Variants in CACNA1E observed in about 807,000 individuals in gnomAD.
CACNA1E encodes the protein calcium voltage-gated channel subunit alpha1 E, also known as voltage-dependent R-type calcium channel subunit alpha-1E.
CACNA1E carries 40 observed loss-of-function variants against 259.2 expected under a neutral mutation model. That is an observed-to-expected ratio of 0.15 (90% CI 0.12 to 0.20). The LOEUF is 0.20. CACNA1E is among the 10% of genes least tolerant of loss of function. The pLI, the probability that CACNA1E is intolerant of heterozygous loss-of-function variation, is 1.00. For synonymous variants in CACNA1E, 1,104 were observed against 1,138.5 expected, an observed-to-expected ratio of 0.97 and a Z score of 0.61; for missense variants, 1,874 against 3,040.1, an observed-to-expected ratio of 0.62 and a Z score of 9.02.
intron 17 of CACNA1E, among the ~76,000 whole-genome samples, chr1:181,724,991 A>G (rs983660464): frequency 3.9e-5 from 6 of 152,188 alleles, no homozygotes; most frequent in African/African-American, 1.4e-4. Context: ...CCAGTAGGCA[A>G]AGGTCATTTT....
intron 6 of CACNA1E, among the ~76,000 whole-genome samples, chr1:181,634,534 T>C (rs1220148715): frequency 6.6e-6 from 1 of 152,246 alleles, no homozygotes; most frequent in Non-Finnish European, 1.5e-5. Context: ...TTTTAATGTC[T>C]AATTGGCTGT....
intron 3 of CACNA1E, among the ~76,000 whole-genome samples, chr1:181,576,647 T>G (rs1346054066): frequency 6.6e-6 from 1 of 152,246 alleles, no homozygotes; most frequent in Non-Finnish European, 1.5e-5. Context: ...CCCAGTTTTC[T>G]GAATGCCTCA....
intron 3 of CACNA1E, among the ~76,000 whole-genome samples, chr1:181,530,491 T>C (rs1437008046): frequency 5.9e-5 from 9 of 152,188 alleles, no homozygotes; most frequent in Non-Finnish European, 1.3e-4. Context: ...AAATGGTGTG[T>C]TGTAGTGGAA....
chr1:181,729,297 C>T (rs1176162080), intron 18 of CACNA1E, among the ~76,000 whole-genome samples: 1 of 152,206 alleles, frequency 6.6e-6, no homozygotes, highest in Non-Finnish European at 1.5e-5. Flanking sequence ...GTGTGCTCTG[C>T]ACAGGTGTGT....
rs542787356 is a variant in CACNA1E, at chr1:181,397,142, A to T, written c.-14-15991A>T. On this transcript the variant is annotated intron_variant, in intron 1 of 11. Coordinates refer to the CACNA1E transcript ENST00000524607. Reference sequence around the variant, plus strand: ...AGACCTTCACAGTAAAAAAGGGCAGAGGTCTACAGGAGCTCTCAGAATGTC... The same window carrying T: ...AGACCTTCACAGTAAAAAAGGGCAGTGGTCTACAGGAGCTCTCAGAATGTC... 3.9e-5 allele frequency among the ~76,000 whole-genome samples: 6 copies of T among 152,350 alleles called. No homozygotes were observed. The East Asian group carries it at 5.8e-4, about 15-fold the overall frequency.
intron 2 of CACNA1E, among the ~76,000 whole-genome samples, chr1:181,440,412 T>C (rs982321402): frequency 1.0e-5 from 1 of 100,312 alleles, no homozygotes; most frequent in African/African-American, 4.3e-5. Flanking sequence ...AGCACAATGC[T>C]TCTGGGCAGG....
At chr1:181,661,359 TGGGG>T (rs1647656876) in intron 7 of CACNA1E, among the ~76,000 whole-genome samples, 1 of 151,946 alleles carries the variant, frequency 6.6e-6, no homozygotes, top group Non-Finnish European at 1.5e-5. Flanking sequence ...AGTACAGCGG[TGGGG>T]ACGGAAAGGA....
chr1:181,701,647 G>A (rs1294742830), intron 7 of CACNA1E, among the ~76,000 whole-genome samples: 1 of 152,130 alleles, frequency 6.6e-6, no homozygotes, highest in African/African-American at 2.4e-5. Context: ...CAACACTCTT[G>A]AAAGCCTTTA....
intron 1 of CACNA1E, among the ~76,000 whole-genome samples, chr1:181,370,935 T>G (rs1654659608): frequency 1.3e-5 from 2 of 152,176 alleles, no homozygotes; most frequent in Non-Finnish European, 2.9e-5. Flanking sequence ...CGACAACATG[T>G]TATTTTTTGA....
intron 6 of CACNA1E, among the ~76,000 whole-genome samples, chr1:181,650,531 G>A (rs770489159): frequency 8.5e-5 from 13 of 152,186 alleles, no homozygotes; most frequent in Admixed American, 3.9e-4. Flanking sequence ...CCTTAGTTGA[G>A]TGGTACAGCT....
At chr1:181,495,118 C>A (rs1664637540) in intron 1 of CACNA1E, among the ~76,000 whole-genome samples, 1 of 152,152 alleles carries the variant, frequency 6.6e-6, no homozygotes, top group African/African-American at 2.4e-5. Flanking sequence ...GAGACTCAGA[C>A]AATATTTTAT....
rs556905234 is a variant in CACNA1E, at chr1:181,466,114, G to A, written c.435-17630G>A. 2.3e-3 allele frequency among the ~76,000 whole-genome samples: 346 copies of A among 152,314 alleles called. 2 individuals are homozygous for A. Among genetic ancestry groups the A allele is most frequent in the African/African-American group, 7.6e-3 (315 of 41,562 alleles). ...TTCCTTGTTATCTATTTTTGCTGTA[G>A]AGTTGATTTTCATGCAGTTTATTTA... On this transcript the variant is annotated intron_variant, in intron 2 of 11. Transcript: ENST00000524607.
At chr1:181,787,591 C>G (rs1660955751) in intron 43 of CACNA1E, among the ~76,000 whole-genome samples, 1 of 152,186 alleles carries the variant, frequency 6.6e-6, no homozygotes, top group Non-Finnish European at 1.5e-5. Flanking sequence ...GTCCCCAGAG[C>G]TGACTTAGGC....
chr1:181,762,706 AT>A, intron 33 of CACNA1E, 49 bp downstream of exon 33: 1 of 1,157,010 alleles, frequency 8.6e-7, no homozygotes, highest in Non-Finnish European at 1.3e-6. Context: ...CTGGAGTAGC[AT>A]TTTTAAAACT....
At chr1:181,600,126 G>T (rs1223087885) in intron 6 of CACNA1E, among the ~76,000 whole-genome samples, 1 of 152,188 alleles carries the variant, frequency 6.6e-6, no homozygotes, top group Non-Finnish European at 1.5e-5. Flanking sequence ...GCAGAAGTGG[G>T]AGGGAAAGCC....
intron 1 of CACNA1E, among the ~76,000 whole-genome samples, chr1:181,327,543 A>G (rs181708776): frequency 2.6e-5 from 4 of 152,270 alleles, no homozygotes; most frequent in Non-Finnish European, 4.4e-5. Context: ...CCCAACCCCC[A>G]TCTTTCCCCC....
intron 7 of CACNA1E, among the ~76,000 whole-genome samples, chr1:181,681,955 T>C (rs1650016547): frequency 6.6e-6 from 1 of 152,174 alleles, no homozygotes; most frequent in Admixed American, 6.5e-5. Flanking sequence ...CCTACTTCTC[T>C]TCAGCCACAC....
chr1:181,772,971 G>A (rs866726360), intron 37 of CACNA1E, among the ~76,000 whole-genome samples: 16 of 152,292 alleles, frequency 1.1e-4, no homozygotes, highest in Middle Eastern at 3.4e-3. Flanking sequence ...CAGACAAGCA[G>A]TGATAAATAG....
chr1:181,532,966 A>G (rs1667895327), intron 3 of CACNA1E, among the ~76,000 whole-genome samples: 1 of 152,226 alleles, frequency 6.6e-6, no homozygotes, highest in Admixed American at 6.5e-5. Flanking sequence ...ACTGTTGCCT[A>G]GCTTGTGGAA....
Sources: gnomAD v4.1 joint callset for allele counts (sites outside exome capture counted in the v4.1 genomes callset) on GRCh38, gnomAD v4.1.1 for gene constraint, MANE v1.5 for transcripts, NCBI Gene and HGNC (gene_info 2026-07-23, HGNC 2026-07-21) for gene names.